Variants in LARP4B observed in about 807,000 individuals in gnomAD.
LARP4B encodes the protein la-related protein 4B.
In LARP4B, 12 loss-of-function variants were observed where a neutral mutation model predicts 89.8. The ratio of observed to expected loss-of-function variants is 0.13; its 90% confidence interval spans 0.09 to 0.22. The LOEUF (loss-of-function observed/expected upper bound fraction) is 0.22, where lower values mean the gene tolerates loss of function less well. LARP4B is among the 10% of genes least tolerant of loss of function. LARP4B has a pLI of 1.00. For synonymous variants in LARP4B, 367 were observed against 363.3 expected, an observed-to-expected ratio of 1.01 and a Z score of -0.12; for missense variants, 757 against 947.7, an observed-to-expected ratio of 0.80 and a Z score of 2.64.
intron 5 of LARP4B, among the ~76,000 whole-genome samples, chr10:859,109 T>G (rs1307463485): frequency 1.3e-5 from 2 of 152,014 alleles, no homozygotes; most frequent in African/African-American, 4.8e-5. Flanking sequence ...TGAAACCCCG[T>G]ATCTACTAAA....
At chr10:865,400 T>C (rs1420377425) in intron 3 of LARP4B, among the ~76,000 whole-genome samples, 1 of 152,072 alleles carries the variant, frequency 6.6e-6, no homozygotes, top group East Asian at 1.9e-4. Flanking sequence ...CTCAAAACCC[T>C]CCCGCATCAG....
rs529963345 is a variant in LARP4B, at chr10:900,420, C to CTTTTTTTTTTTTT, written c.-39-14673_-39-14661dup. On this transcript the variant is annotated intron_variant, in intron 1 of 17. Coordinates refer to ENST00000316157, the MANE Select transcript of LARP4B (RefSeq NM_015155.3). ...ATTCTAGGATCGGAAAGAAGGATGT[C>CTTTTTTTTTTTTT]TTTTTTTTTTTTTTTTTTTTTTTTT... 1.8e-3 allele frequency among the ~76,000 whole-genome samples: 81 copies of CTTTTTTTTTTTTT among 45,244 alleles called. 29 individuals carry two copies. The highest frequency in any genetic ancestry group is 2.3e-3 in the East Asian group (3 of 1,308). The allele number at this position is 45,244 out of a possible 152,430, so 29.7% of individuals were successfully genotyped here.
chr10:815,418 C>G (rs143132787), intron 15 of LARP4B: 1 of 171,252 alleles, frequency 5.8e-6, no homozygotes, highest in Non-Finnish European at 1.2e-5. Flanking sequence ...ACACCACATG[C>G]ATATCTGCTG....
At chr10:858,744 C>CA (rs372006820) in intron 5 of LARP4B, among the ~76,000 whole-genome samples, 320 of 152,180 alleles carry the variant, frequency 2.1e-3, no homozygotes, top group Admixed American at 4.0e-3. Context: ...GACATTTATC[C>CA]AAAGAAGACA....
the LARP4B span, among the ~76,000 whole-genome samples, chr10:961,249 GT>G: frequency 1.3e-5 from 2 of 152,242 alleles, no homozygotes; most frequent in Non-Finnish European, 2.9e-5. Flanking sequence ...TAGTCCATTC[GT>G]GTTGCTATAA....
At chr10:893,162 C>A (rs1182090745) in intron 1 of LARP4B, among the ~76,000 whole-genome samples, 2 of 151,836 alleles carry the variant, frequency 1.3e-5, no homozygotes, top group African/African-American at 2.4e-5. Context: ...GATCCACCCC[C>A]CTCGGCCTCC....
intron 1 of LARP4B, among the ~76,000 whole-genome samples, chr10:898,031 C>T (rs937383474): frequency 7.1e-6 from 1 of 140,154 alleles, no homozygotes; most frequent in African/African-American, 2.7e-5. Context: ...ATGATCCGAA[C>T]GAACATTTTC....
chr10:865,727 A>T (rs1834866540), intron 3 of LARP4B, among the ~76,000 whole-genome samples: 1 of 152,374 alleles, frequency 6.6e-6, no homozygotes, highest in East Asian at 1.9e-4. Context: ...AGAAAAGTCA[A>T]ATGTCCAAAC....
chr10:972,394 TG>T, the LARP4B span: 1 of 424,386 alleles, frequency 2.4e-6, no homozygotes, highest in South Asian at 1.8e-5. Flanking sequence ...ACCATGCTCT[TG>T]GACTTCCCAG....
chr10:834,357 C>CT (rs936450608), intron 8 of LARP4B, among the ~76,000 whole-genome samples: 1 of 152,212 alleles, frequency 6.6e-6, no homozygotes, highest in African/African-American at 2.4e-5. Flanking sequence ...TATCAGTCTA[C>CT]TAGTGGCAAG....
At chr10:850,819 C>T (rs1000552539) in intron 5 of LARP4B, among the ~76,000 whole-genome samples, 9 of 151,986 alleles carry the variant, frequency 5.9e-5, no homozygotes, top group Non-Finnish European at 2.9e-5. Context: ...AGAAAGATCC[C>T]TGGAAAACCC....
rs980696341 is a variant in LARP4B at position 811,122 on chromosome 10, G to C, written c.*1804C>G. The C allele has an allele frequency of 6.6e-6, 1 of 152,550 alleles. No homozygotes were observed. The highest frequency in any genetic ancestry group is 1.5e-5 in the Non-Finnish European group (1 of 68,034). The allele number at this position is 152,550 out of a possible 1,614,324, so 9.4% of individuals were successfully genotyped here. ...GAAAACATCTGGAGGCTTTTAATAA[G>C]ACTTTCCAATTCCCTTTTGCAGCAA... On this transcript the variant is annotated 3_prime_UTR_variant, in exon 18 of 18. Coordinates refer to ENST00000316157, the MANE Select transcript of LARP4B (RefSeq NM_015155.3).
At chr10:903,042 T>C (rs1416074753) in intron 1 of LARP4B, among the ~76,000 whole-genome samples, 1 of 152,204 alleles carries the variant, frequency 6.6e-6, no homozygotes, top group Non-Finnish European at 1.5e-5. Flanking sequence ...CATTTTTCTG[T>C]CCATCAGCAT....
chr10:960,691 G>C, the LARP4B span, among the ~76,000 whole-genome samples: 1 of 131,204 alleles, frequency 7.6e-6, no homozygotes, highest in Non-Finnish European at 1.6e-5. Flanking sequence ...CAGGGCAACA[G>C]AGTGAGACTC....
chr10:825,396 CTAAGCTGAAA>C, intron 12 of LARP4B, 80 bp from the exon 13 acceptor site: 1 of 1,398,726 alleles, frequency 7.1e-7, no homozygotes, highest in Middle Eastern at 2.2e-4. Flanking sequence ...CATGGAATAG[CTAAGCTGAAA>C]TCTGCTCTCT....
In LARP4B at chr10:824,948, T is replaced by C. The variant is rs979664454; in HGVS notation, c.1484+117A>G. 13 of 1,062,902 alleles carry C rather than the reference T, an allele frequency of 1.2e-5. No homozygotes were observed. In the East Asian group the frequency reaches 1.3e-4, roughly 11 times the overall value. The allele number at this position is 1,062,902 out of a possible 1,614,324, so 65.8% of individuals were successfully genotyped here. A position where few individuals can be genotyped will look rare whatever the true frequency, so the allele number is the denominator to read the frequency against. ...CAATTATATAAAACCCTTATGTTTA[T>C]AGCCTTCAGTTAGATTTTCTGTGAC... On this transcript the variant is annotated intron_variant, in intron 13 of 17. Transcript: ENST00000316157.
At chr10:837,612 A>C (rs888599273) in intron 7 of LARP4B, among the ~76,000 whole-genome samples, 1 of 152,208 alleles carries the variant, frequency 6.6e-6, no homozygotes, top group Non-Finnish European at 1.5e-5. Flanking sequence ...ACAAGTAATC[A>C]AGGGAATAAA....
intron 3 of LARP4B, among the ~76,000 whole-genome samples, chr10:877,633 T>C (rs1835509035): frequency 6.6e-6 from 1 of 152,142 alleles, no homozygotes. Flanking sequence ...AAAATGGGGA[T>C]AACAGTACCT....
chr10:897,519 A>T (rs1324998270), intron 1 of LARP4B, among the ~76,000 whole-genome samples: 1 of 152,222 alleles, frequency 6.6e-6, no homozygotes, highest in Non-Finnish European at 1.5e-5. Context: ...AATACACTGG[A>T]TTTCATCAAA....
Sources: allele counts gnomAD v4.1 joint callset (sites outside exome capture counted in the v4.1 genomes callset), GRCh38; gene constraint gnomAD v4.1.1; transcripts MANE v1.5; gene names NCBI Gene and HGNC (gene_info 2026-07-23, HGNC 2026-07-21).